FCHSD2: variants seen among roughly 807,000 people sequenced by gnomAD.
FCHSD2 encodes the protein F-BAR and double SH3 domains protein 2.
FCHSD2 carries 38 observed loss-of-function variants against 108.1 expected under a neutral mutation model. That is an observed-to-expected ratio of 0.35 (90% CI 0.27 to 0.46). FCHSD2 has a LOEUF of 0.46. FCHSD2 is among the 20% of genes least tolerant of loss of function. The pLI is 1.00. For synonymous variants in FCHSD2, 279 were observed against 314.7 expected, an observed-to-expected ratio of 0.89 and a Z score of 1.20; for missense variants, 751 against 897.8, an observed-to-expected ratio of 0.84 and a Z score of 2.09.
chr11:73,129,431 C>T (rs1267225379), intron 2 of FCHSD2, among the ~76,000 whole-genome samples: 2 of 152,176 alleles, frequency 1.3e-5, no homozygotes, highest in Non-Finnish European at 2.9e-5. Context: ...CTGAGCTCCG[C>T]CTCCTGTCAG....
intron 12 of FCHSD2, among the ~76,000 whole-genome samples, chr11:72,885,161 C>T (rs898120264): frequency 1.6e-4 from 25 of 152,096 alleles, no homozygotes; most frequent in African/African-American, 6.0e-4. Flanking sequence ...TAAGTACTAC[C>T]CCAATAAATA....
At chr11:72,861,736 C>T (rs1196121750) in intron 13 of FCHSD2, among the ~76,000 whole-genome samples, 5 of 152,014 alleles carry the variant, frequency 3.3e-5, no homozygotes, top group African/African-American at 1.2e-4. Flanking sequence ...TCAAGACCAA[C>T]CTGACCGACA....
chr11:72,907,557 T>C (rs1441272618), intron 9 of FCHSD2, among the ~76,000 whole-genome samples: 3 of 151,906 alleles, frequency 2.0e-5, no homozygotes, highest in African/African-American at 7.3e-5. Context: ...CTGCTAAATT[T>C]TGTTGAAGGC....
At chr11:73,039,885 TTC>T (rs766638929) in intron 3 of FCHSD2, among the ~76,000 whole-genome samples, 1 of 150,964 alleles carries the variant, frequency 6.6e-6, no homozygotes, top group Non-Finnish European at 1.5e-5. Flanking sequence ...ATTTTGAAGT[TTC>T]TTTTTAAATT....
chr11:72,981,634 G>C (rs186118724), intron 8 of FCHSD2, among the ~76,000 whole-genome samples: 1 of 152,126 alleles, frequency 6.6e-6, no homozygotes. Flanking sequence ...TGTGTTCTTT[G>C]AAACTGTTGG....
At chr11:73,064,841 G>T (rs1304381245) in intron 3 of FCHSD2, among the ~76,000 whole-genome samples, 1 of 152,124 alleles carries the variant, frequency 6.6e-6, no homozygotes, top group Non-Finnish European at 1.5e-5. Context: ...CCAATAACAA[G>T]TTCTGAAATT....
intron 4 of FCHSD2, 82 bp downstream of exon 4, chr11:73,015,727 C>G: frequency 1.4e-6 from 1 of 726,712 alleles, no homozygotes; most frequent in African/African-American, 1.8e-5. Context: ...CTTTTAAAAA[C>G]TAGAGTGTTA....
At chr11:72,891,225 C>A (rs1855308186) in intron 10 of FCHSD2, among the ~76,000 whole-genome samples, 1 of 152,184 alleles carries the variant, frequency 6.6e-6, no homozygotes, top group South Asian at 2.1e-4. Flanking sequence ...AGCCAGTACA[C>A]CTGGCCTAGT....
intron 3 of FCHSD2, among the ~76,000 whole-genome samples, chr11:73,040,933 C>G (rs1250175020): frequency 6.6e-6 from 1 of 152,106 alleles, no homozygotes; most frequent in African/African-American, 2.4e-5. Flanking sequence ...ATCTCCATGA[C>G]AGCAACTTTT....
chr11:72,908,697 C>G (rs574540338), intron 9 of FCHSD2, among the ~76,000 whole-genome samples: 10 of 152,250 alleles, frequency 6.6e-5, no homozygotes, highest in African/African-American at 2.4e-4. Context: ...TTTTTTGAGA[C>G]AGAGTCTCAC....
In FCHSD2 at chr11:72,984,174, C is replaced by T. The variant is rs963539344; in HGVS notation, c.619G>A (p.Ala207Thr). The change falls in exon 8 of 20, where the codon GCA becomes ACA. Residue 207 changes from alanine (A) to threonine (T), a missense_variant. Coordinates refer to ENST00000409418, the MANE Select transcript of FCHSD2 (RefSeq NM_014824.3). Reference protein sequence around the residue: ...RSECNSKATHARNDYLLTLAA... With the variant: ...RSECNSKATHTRNDYLLTLAA... ...AGGGTAAGAAGATAATCATTCCTTGCGTGGGTAGCTTTGGAATTACACTCA... is the reference window on the plus strand; with the variant it reads ...AGGGTAAGAAGATAATCATTCCTTGTGTGGGTAGCTTTGGAATTACACTCA... 12 of 1,613,268 alleles carry T rather than the reference C, an allele frequency of 7.4e-6. No homozygotes were observed. The highest frequency in any genetic ancestry group is 9.3e-6 in the Non-Finnish European group (11 of 1,179,400).
chr11:73,015,970 C>T (rs1857962825), intron 3 of FCHSD2, 85 bp from the exon 4 acceptor site: 2 of 730,450 alleles, frequency 2.7e-6, no homozygotes, highest in South Asian at 3.7e-5. Flanking sequence ...CTTAGAAAAT[C>T]TCATTTTTCC....
rs193151549 is a variant in FCHSD2 at position 73,066,922 on chromosome 11, T to C, written c.165+16773A>G. On this transcript the variant is annotated intron_variant, in intron 3 of 19. Transcript: ENST00000409418. ...ACTTCAACCATTGTGGAAGACAGTG[T>C]AGCGATTCCTCAAGGATCCAGAACC... 3.1e-3 allele frequency among the ~76,000 whole-genome samples: 468 copies of C among 152,328 alleles called. 1 individual carries two copies. Among genetic ancestry groups the C allele is most frequent in the African/African-American group, 0.011 (448 of 41,572 alleles).
chr11:72,857,745 C>T (rs761596653), intron 13 of FCHSD2, among the ~76,000 whole-genome samples: 17 of 152,066 alleles, frequency 1.1e-4, no homozygotes, highest in African/African-American at 3.1e-4. Context: ...CCACCGCGCC[C>T]GGCCAAAATG....
chr11:72,925,547 T>A (rs1342596589), intron 8 of FCHSD2, among the ~76,000 whole-genome samples: 1 of 151,588 alleles, frequency 6.6e-6, no homozygotes, highest in African/African-American at 2.4e-5. Flanking sequence ...AACAAACAAA[T>A]AAATTTCTAA....
intron 10 of FCHSD2, among the ~76,000 whole-genome samples, chr11:72,894,143 T>G (rs1327116808): frequency 6.6e-6 from 1 of 152,188 alleles, no homozygotes; most frequent in African/African-American, 2.4e-5. Flanking sequence ...TCCAAACCAT[T>G]TCAAAAAAAG....
chr11:72,944,939 T>C, intron 8 of FCHSD2, among the ~76,000 whole-genome samples: 1 of 152,192 alleles, frequency 6.6e-6, no homozygotes, highest in South Asian at 2.1e-4. Flanking sequence ...TGCTCACGGG[T>C]AGGAAGAATC....
intron 12 of FCHSD2, among the ~76,000 whole-genome samples, chr11:72,882,951 T>G (rs1282713691): frequency 6.6e-6 from 1 of 152,226 alleles, no homozygotes; most frequent in Non-Finnish European, 1.5e-5. Context: ...ACTGTGATAC[T>G]GGCATAAGTA....
chr11:73,080,346 G>A (rs1859655931), intron 3 of FCHSD2, among the ~76,000 whole-genome samples: 3 of 150,402 alleles, frequency 2.0e-5, no homozygotes, highest in African/African-American at 7.3e-5. Flanking sequence ...ATTTTTCAAG[G>A]GTAAATTTGA....
Sources: allele counts gnomAD v4.1 joint callset (sites outside exome capture counted in the v4.1 genomes callset), GRCh38; gene constraint gnomAD v4.1.1; transcripts MANE v1.5; gene names NCBI Gene and HGNC (gene_info 2026-07-23, HGNC 2026-07-21).